CHCHD3: variants seen among roughly 807,000 people sequenced by gnomAD.
CHCHD3 encodes coiled-coil-helix-coiled-coil-helix domain containing 3, also known as MICOS complex subunit MIC19.
CHCHD3 carries 20 observed loss-of-function variants against 38.2 expected under a neutral mutation model. That is an observed-to-expected ratio of 0.52 (90% CI 0.37 to 0.76). The LOEUF (loss-of-function observed/expected upper bound fraction) is 0.76, where lower values mean the gene tolerates loss of function less well. CHCHD3 is among the 30% of genes least tolerant of loss of function. The pLI is 0.00. For missense variants in CHCHD3, 245 were observed against 279.2 expected, an observed-to-expected ratio of 0.88 and a Z score of 0.87; for synonymous variants, 82 against 100.0, an observed-to-expected ratio of 0.82 and a Z score of 1.07.
chr7:133,079,547 G>T (rs906365276), intron 1 of CHCHD3, among the ~76,000 whole-genome samples: 1 of 152,174 alleles, frequency 6.6e-6, no homozygotes, highest in Non-Finnish European at 1.5e-5. Flanking sequence ...TGTGCCAGGT[G>T]CTTTACATAC....
chr7:132,977,042 T>G (rs1026037073), intron 3 of CHCHD3, among the ~76,000 whole-genome samples: 3 of 152,208 alleles, frequency 2.0e-5, no homozygotes, highest in Non-Finnish European at 1.5e-5. Context: ...ATGACACTCA[T>G]ACAAACCAAA....
chr7:132,933,085 T>C (rs747463551), intron 4 of CHCHD3, among the ~76,000 whole-genome samples: 1 of 152,206 alleles, frequency 6.6e-6, no homozygotes, highest in Non-Finnish European at 1.5e-5. Context: ...GTTTCATACA[T>C]TTGTTAAGCA....
At chr7:133,004,350 T>C (rs912547889) in intron 3 of CHCHD3, among the ~76,000 whole-genome samples, 2 of 152,238 alleles carry the variant, frequency 1.3e-5, no homozygotes, top group Non-Finnish European at 2.9e-5. Context: ...CCATATATCT[T>C]ATCAGTCATC....
intron 4 of CHCHD3, among the ~76,000 whole-genome samples, chr7:132,908,597 C>T (rs1809856947): frequency 1.3e-5 from 2 of 152,050 alleles, no homozygotes; most frequent in Admixed American, 1.3e-4. Flanking sequence ...AGACTCCATC[C>T]TCTCCAACAA....
rs1171454574 is a variant in CHCHD3 at position 132,796,524 on chromosome 7, C to T, written c.578G>A (p.Cys193Tyr). Residue 193 changes from cysteine to tyrosine, a missense_variant, in exon 7 of 8, where the codon TGT becomes TAT. By Grantham distance (194) the Cys-to-Tyr change is radical (BLOSUM62 -2). Transcript: ENST00000262570. ...GGTCTGGTGGGTGTTCTCACGGTAA[C>T]ACTGAAGAATTTTGGCCTGCAGATC... ...CADLQAKILQCYRENTHQTLK... is the reference protein window; with the variant it reads ...CADLQAKILQYYRENTHQTLK... 6.2e-7 allele frequency: 1 copy of T among 1,613,878 alleles called. No homozygotes were observed. Among genetic ancestry groups the T allele is most frequent in the South Asian group, 1.1e-5 (1 of 91,080 alleles).
At chr7:132,905,602 A>G (rs1002940265) in intron 4 of CHCHD3, among the ~76,000 whole-genome samples, 3 of 152,110 alleles carry the variant, frequency 2.0e-5, no homozygotes, top group African/African-American at 7.2e-5. Flanking sequence ...AGTTGAGGGG[A>G]AAAAAATGCC....
intron 2 of CHCHD3, chr7:133,034,457 A>T (rs1013904891): frequency 2.8e-6 from 2 of 717,012 alleles, no homozygotes; most frequent in Admixed American, 3.1e-5. Flanking sequence ...GATACTTTTA[A>T]AAAAATGCAT....
intron 4 of CHCHD3, among the ~76,000 whole-genome samples, chr7:132,925,773 A>G (rs1449728086): frequency 6.6e-6 from 1 of 152,218 alleles, no homozygotes; most frequent in African/African-American, 2.4e-5. Context: ...CCACTAGAGA[A>G]GTGGAGCACA....
At chr7:133,030,320 A>T (rs1813465567) in intron 2 of CHCHD3, among the ~76,000 whole-genome samples, 1 of 152,180 alleles carries the variant, frequency 6.6e-6, no homozygotes, top group Non-Finnish European at 1.5e-5. Context: ...GCATTTGGAG[A>T]CCACTATTTA....
chr7:132,939,393 A>G (rs531453492), intron 4 of CHCHD3, among the ~76,000 whole-genome samples: 3 of 152,168 alleles, frequency 2.0e-5, no homozygotes, highest in Non-Finnish European at 1.5e-5. Context: ...CTTTTATGCT[A>G]TATTTTTACT....
chr7:132,838,310 A>AT, intron 6 of CHCHD3, 89 bp downstream of exon 6: 1 of 884,698 alleles, frequency 1.1e-6, no homozygotes, highest in South Asian at 1.6e-5. Flanking sequence ...AGTGCTATAT[A>AT]ACAAACTATG....
At chr7:132,868,585 G>T (rs369197610) in intron 5 of CHCHD3, among the ~76,000 whole-genome samples, 5 of 152,124 alleles carry the variant, frequency 3.3e-5, no homozygotes, top group Admixed American at 1.3e-4. Flanking sequence ...TCTTGCATAA[G>T]TTGCACAAAA....
intron 4 of CHCHD3, among the ~76,000 whole-genome samples, chr7:132,958,833 A>G (rs1369387756): frequency 1.3e-5 from 2 of 152,244 alleles, no homozygotes; most frequent in African/African-American, 4.8e-5. Flanking sequence ...GCCAGTTGGA[A>G]GCTTAGGTCT....
At chr7:132,898,148 G>A (rs1229677111) in intron 4 of CHCHD3, among the ~76,000 whole-genome samples, 4 of 152,288 alleles carry the variant, frequency 2.6e-5, no homozygotes, top group South Asian at 2.1e-4. Context: ...AGGCAGTGTG[G>A]ACCCAAAGAG....
At chr7:132,870,946 T>G (rs899592885) in intron 5 of CHCHD3, among the ~76,000 whole-genome samples, 2 of 152,340 alleles carry the variant, frequency 1.3e-5, no homozygotes, top group East Asian at 3.9e-4. Flanking sequence ...TTTGTGTATC[T>G]ATAAAATATT....
intron 6 of CHCHD3, among the ~76,000 whole-genome samples, chr7:132,800,424 T>C (rs1189417301): frequency 6.6e-6 from 1 of 152,238 alleles, no homozygotes; most frequent in African/African-American, 2.4e-5. Flanking sequence ...TTGGTTCCAC[T>C]GCTGCCTCTA....
chr7:133,035,367 C>T lies in CHCHD3; in HGVS notation c.170-10740G>A, dbSNP rs12671660. 3.7e-6 allele frequency: 6 copies of T among 1,612,804 alleles called. No homozygotes were observed. The highest frequency in any genetic ancestry group is 4.5e-5 in the East Asian group (2 of 44,876). On this transcript the variant is annotated intron_variant, in intron 2 of 7. Transcript: ENST00000262570. This position sits in a 1 kb window ranked among gnomAD's most constrained non-coding sequence, Gnocchi z 4.7. ...GGTGAGGAACCAGCGGTTGGTATTG[C>T]GAAAGGCCCGGCGGAAAGAAGGCTC...
chr7:132,791,734 G>A (rs183851180), intron 7 of CHCHD3, among the ~76,000 whole-genome samples: 1 of 152,310 alleles, frequency 6.6e-6, no homozygotes, highest in Admixed American at 6.5e-5. Context: ...CTGATCTTGA[G>A]GCTTTGACTT....
intron 4 of CHCHD3, among the ~76,000 whole-genome samples, chr7:132,959,047 G>A (rs1271193756): frequency 6.6e-6 from 1 of 152,200 alleles, no homozygotes; most frequent in Admixed American, 6.5e-5. Context: ...ATTCTATCTT[G>A]AGAGAGAGGG....
Sources: gnomAD v4.1 joint callset for allele counts (sites outside exome capture counted in the v4.1 genomes callset) on GRCh38, gnomAD v4.1.1 for gene constraint, Gnocchi (gnomAD v3.1) non-coding constraint, MANE v1.5 for transcripts, NCBI Gene and HGNC (gene_info 2026-07-23, HGNC 2026-07-21) for gene names.